The following ABCB4 variants were observed in gnomAD, a reference collection of about 807,000 sequenced individuals.
ABCB4 encodes the protein ATP binding cassette subfamily B member 4.
A neutral mutation model predicts 145.7 loss-of-function variants in ABCB4; 76 were observed. The ratio of observed to expected loss-of-function variants is 0.52; its 90% confidence interval spans 0.43 to 0.63. The LOEUF is 0.63. Ranked by LOEUF, ABCB4 falls within the 30% of genes least tolerant of loss-of-function variation. ABCB4 has a pLI of 0.00. For missense variants in ABCB4, 1,234 were observed against 1,553.1 expected (o/e 0.79, Z 3.45); for synonymous variants, 517 against 566.8 (o/e 0.91, Z 1.25).
chr7:87,426,643 A>G, intron 16 of ABCB4, 107 bp downstream of exon 16: 2 of 1,119,334 alleles, frequency 1.8e-6, no homozygotes, highest in Non-Finnish European at 2.7e-6. Context: ...AGTATGGCTC[A>G]TAGTAGCAGT....
intron 15 of ABCB4, among the ~76,000 whole-genome samples, chr7:87,427,380 T>C (rs1282324732): frequency 6.6e-6 from 1 of 152,124 alleles, no homozygotes; most frequent in African/African-American, 2.4e-5. Flanking sequence ...TGGCTGAGTA[T>C]GGTCATCTTC....
downstream of ABCB4, chr7:87,398,213 A>T (rs1324622490): frequency 2.0e-6 from 1 of 504,606 alleles, no homozygotes; most frequent in Non-Finnish European, 3.8e-6. Flanking sequence ...CACTTTAGGA[A>T]GGACTTTTCT....
intron 4 of ABCB4, among the ~76,000 whole-genome samples, chr7:87,462,327 G>A (rs1025833564): frequency 1.3e-5 from 2 of 152,044 alleles, no homozygotes; most frequent in Non-Finnish European, 2.9e-5. Context: ...TTTTTAAGGT[G>A]AAGGGGAGAG....
intron 4 of ABCB4, among the ~76,000 whole-genome samples, chr7:87,455,135 A>G (rs973474864): frequency 6.6e-6 from 1 of 152,220 alleles, no homozygotes; most frequent in Non-Finnish European, 1.5e-5. Flanking sequence ...AGGAGGAAAA[A>G]CTAGACAGGG....
In ABCB4 at chr7:87,454,538, G is replaced by C; in HGVS notation, c.341C>G (p.Thr114Ser). The C allele has an allele frequency of 6.2e-7, 1 of 1,607,702 alleles. No homozygotes were observed. The highest frequency in any genetic ancestry group is 1.1e-5 in the South Asian group (1 of 90,330). Residue 114 changes from threonine to serine, a missense_variant, in exon 5 of 28, where the codon ACT (threonine) becomes AGT (serine). This residue lies in a region of ABCB4 where 467 missense variants were observed against 632.8 expected (regional missense o/e 0.74). Coordinates refer to ENST00000649586, the MANE Select transcript of ABCB4 (RefSeq NM_000443.4). ...NPGKILEEEMTRYAYYYSGLG... is the reference protein window; with the variant it reads ...NPGKILEEEMSRYAYYYSGLG... ...GTAGACCATATATATGAGTTACCTAGTCATTTCTTCTTCCAGAATTTTGCC... is the reference window on the plus strand; with the variant it reads ...GTAGACCATATATATGAGTTACCTACTCATTTCTTCTTCCAGAATTTTGCC...
In ABCB4 at chr7:87,443,866, CT is replaced by C. The variant is rs1177676302; in HGVS notation, c.1120-94del. 5.5e-6 allele frequency: 5 copies of C among 907,424 alleles called. No individual in the cohort carries two copies. In the African/African-American group the frequency reaches 8.2e-5, roughly 15 times the overall value. The allele number at this position is 907,424 out of a possible 1,614,324, so 56.2% of individuals were successfully genotyped here. On this transcript the variant is annotated intron_variant, in intron 10 of 27. Transcript: ENST00000649586. ...ATTCAGCAAATTCCAAAAATAGGAC[CT>C]GGAATGTCACAATCCCCTTTACATA...
chr7:87,406,051 C>G (rs1276866633), intron 26 of ABCB4: 2 of 575,200 alleles, frequency 3.5e-6, no homozygotes, highest in Admixed American at 5.9e-5. Flanking sequence ...CAGCCCTCAA[C>G]CACCAGTCTG....
At chr7:87,381,889 T>C in the ABCB4 span, 1 of 1,537,276 alleles carries the variant, frequency 6.5e-7, no homozygotes, top group African/African-American at 1.4e-5. Flanking sequence ...TATTCAGAAA[T>C]CTTGTGTGTT....
the ABCB4 span, among the ~76,000 whole-genome samples, chr7:87,395,879 G>C: frequency 9.9e-5 from 15 of 152,124 alleles, no homozygotes; most frequent in Non-Finnish European, 1.9e-4. Flanking sequence ...CAATAGAAAG[G>C]ATTGTCACCA....
At chr7:87,466,224 A>T (rs970261727) in intron 3 of ABCB4, among the ~76,000 whole-genome samples, 1 of 152,210 alleles carries the variant, frequency 6.6e-6, no homozygotes, top group Non-Finnish European at 1.5e-5. Context: ...GGAGCTGAAA[A>T]CCATGGCACA....
Position 87,462,871 on chromosome 7 carries a change from G to T in ABCB4, c.173C>A (p.Ser58Ter). ...AGCTATGGCCATGATGGTACCCAGC[G>T]ACATAAACAATTTATCCTGCCAATC... is the stretch of plus-strand genomic sequence containing the variant. The part of the protein sequence containing the change: ...YSDWQDKLFM[S>*]LGTIMAIAHG... The change falls in exon 4 of 28, where the codon TCG becomes TAG. Residue 58 changes from serine to a stop codon, truncating the protein, a stop_gained. Coordinates refer to ENST00000649586, the MANE Select transcript of ABCB4 (RefSeq NM_000443.4). LOFTEE classifies it high-confidence loss of function. The T allele has an allele frequency of 1.2e-6, 2 of 1,613,532 alleles. No homozygotes were observed. The highest frequency in any genetic ancestry group is 4.5e-5 in the East Asian group (2 of 44,860).
At chr7:87,439,385 A>ATTGC (rs1810820879) in intron 14 of ABCB4, among the ~76,000 whole-genome samples, 1 of 152,148 alleles carries the variant, frequency 6.6e-6, no homozygotes, top group Non-Finnish European at 1.5e-5. Flanking sequence ...CTTTTGGTCA[A>ATTGC]AAGTAGTCTT....
the ABCB4 span, among the ~76,000 whole-genome samples, chr7:87,393,836 G>T: frequency 6.6e-6 from 1 of 152,188 alleles, no homozygotes. Flanking sequence ...ACATGGGTTT[G>T]AACTGCATGG....
chr7:87,424,127 T>A, intron 16 of ABCB4, 75 bp from the exon 17 acceptor site: 1 of 1,600,674 alleles, frequency 6.2e-7, no homozygotes, highest in Non-Finnish European at 8.5e-7. Context: ...AGAAAAGGCA[T>A]GGCCATTGCC....
intron 18 of ABCB4, among the ~76,000 whole-genome samples, chr7:87,420,359 A>G (rs1809330698): frequency 6.6e-6 from 1 of 152,204 alleles, no homozygotes; most frequent in African/African-American, 2.4e-5. Flanking sequence ...ACCCCATGGC[A>G]GGATCCAGTC....
chr7:87,408,059 T>G lies in ABCB4; in HGVS notation c.3257A>C (p.Tyr1086Ser), dbSNP rs745972631. Residue 1086 changes from tyrosine (Y) to serine (S), a missense_variant, in exon 25 of 28, where the codon TAC becomes TCC. Tyr to Ser is a moderately radical substitution (Grantham distance 144, BLOSUM62 -2). Transcript: ENST00000649586. The part of the protein sequence containing the change: ...STVVQLLERF[Y>S]DPLAGTVLLD... The stretch of plus-strand genomic sequence containing the variant: ...CACCACTGTCCCCGCCAAGGGGTCG[T>G]AGAACCGCTCCAGGAGCTGGACCAC... 13 of 1,614,032 alleles carry G rather than the reference T, an allele frequency of 8.1e-6. No homozygotes were observed. Among genetic ancestry groups the G allele is most frequent in the Non-Finnish European group, 7.6e-6 (9 of 1,180,040 alleles).
chr7:87,419,910 C>T, intron 19 of ABCB4, 88 bp downstream of exon 19: 2 of 1,364,388 alleles, frequency 1.5e-6, no homozygotes, highest in Admixed American at 1.7e-5. Flanking sequence ...GGAAAACATG[C>T]ATATCGACAT....
chr7:87,386,057 T>C, the ABCB4 span, among the ~76,000 whole-genome samples: 1 of 152,202 alleles, frequency 6.6e-6, no homozygotes, highest in Non-Finnish European at 1.5e-5. Flanking sequence ...TGCTGTTGAG[T>C]TCAGTTTGCT....
chr7:87,388,002 C>A, the ABCB4 span, among the ~76,000 whole-genome samples: 1 of 152,166 alleles, frequency 6.6e-6, no homozygotes, highest in East Asian at 1.9e-4. Context: ...TGTCCACAGT[C>A]AAATGCACAG....
Sources: gnomAD v4.1 joint callset for allele counts (sites outside exome capture counted in the v4.1 genomes callset) on GRCh38, gnomAD v4.1.1 for gene constraint, gnomAD v4.1.1 regional missense constraint, MANE v1.5 for transcripts, NCBI Gene and HGNC (gene_info 2026-07-23, HGNC 2026-07-21) for gene names.